The following FCMR variants were observed in gnomAD, a reference collection of about 807,000 sequenced individuals.
FCMR encodes the protein Fc mu receptor.
Under a neutral mutation model 41.6 loss-of-function variants are expected in FCMR, and 34 were observed. The ratio of observed to expected loss-of-function variants is 0.82; its 90% CI spans 0.62 to 1.09. The LOEUF (loss-of-function observed/expected upper bound fraction) is 1.09, where lower values mean the gene tolerates loss of function less well. Ranked by LOEUF, FCMR falls within the 50% of genes least tolerant of loss-of-function variation. The pLI, the probability that FCMR is intolerant of heterozygous loss-of-function variation, is 0.00. For synonymous variants in FCMR, 209 were observed against 211.8 expected (o/e 0.99, Z 0.12); for missense variants, 496 against 512.5 (o/e 0.97, Z 0.31).
chr1:206,914,357 T>TTCCTTCCTTC (rs1558003870), intron 1 of FCMR, among the ~76,000 whole-genome samples: 1 of 131,600 alleles, frequency 7.6e-6, no homozygotes, highest in Non-Finnish European at 1.6e-5. Context: ...TTCCTTCCTT[T>TTCCTTCCTTC]CTTTCTTTTT....
intron 7 of FCMR, 141 bp from the exon 8 acceptor site, chr1:206,905,288 C>T (rs1034471782): frequency 5.6e-6 from 5 of 887,928 alleles, no homozygotes; most frequent in East Asian, 2.6e-5. Flanking sequence ...GGCTCAGCTC[C>T]ATCAAGTGGA....
At chr1:206,917,761 A>G in intron 1 of FCMR, 1 of 449,654 alleles carries the variant, frequency 2.2e-6, no homozygotes, top group South Asian at 1.6e-5. Context: ...TGAATAGCTG[A>G]GATCACAGGC....
At chr1:206,910,433 T>C (rs535568490) in intron 4 of FCMR, 93 bp from the exon 5 acceptor site, 3 of 1,047,754 alleles carry the variant, frequency 2.9e-6, no homozygotes, top group Non-Finnish European at 3.9e-6. Context: ...TTTTTGGAGA[T>C]GACTTACAGG....
chr1:206,921,228 G>A (rs115190647), intron 1 of FCMR: 1,927 of 183,586 alleles, frequency 0.01, 46 homozygotes, highest in African/African-American at 0.041. Context: ...TAAGAAGAAA[G>A]AAGTACGGAG....
At chr1:206,911,672 G>T in intron 4 of FCMR, 58 bp downstream of exon 4, 1 of 1,517,296 alleles carries the variant, frequency 6.6e-7, no homozygotes. Context: ...ATTGCAGTGG[G>T]TTTCAGTGGA....
intron 1 of FCMR, chr1:206,921,378 A>C (rs1181621328): frequency 4.5e-6 from 2 of 447,162 alleles, no homozygotes; most frequent in Non-Finnish European, 9.0e-6. Context: ...AGCCAGGAGG[A>C]TCACTTAAGG....
chr1:206,912,201 C>T (rs2102558325), intron 3 of FCMR, among the ~76,000 whole-genome samples: 1 of 152,314 alleles, frequency 6.6e-6, no homozygotes, highest in South Asian at 2.1e-4. Flanking sequence ...AGCTTGCCCC[C>T]TCTGAGCAGG....
chr1:206,913,589 A>G, intron 2 of FCMR, 170 bp downstream of exon 2: 1 of 612,996 alleles, frequency 1.6e-6, no homozygotes, highest in Middle Eastern at 4.1e-4. Flanking sequence ...AATTGTGTGG[A>G]CCATGGAGGT....
chr1:206,909,415 C>A lies in FCMR; in HGVS notation c.1044+47G>T. The A allele has an allele frequency of 1.7e-6, 2 of 1,160,394 alleles. No homozygotes were observed. The highest frequency in any genetic ancestry group is 2.2e-6 in the Non-Finnish European group (2 of 920,756). The allele number at this position is 1,160,394 out of a possible 1,614,324, so 71.9% of individuals were successfully genotyped here. On this transcript the variant is annotated intron_variant, in intron 7 of 7. Coordinates refer to ENST00000367091, the MANE Select transcript of FCMR (RefSeq NM_005449.5). This position sits in a 1 kb window ranked among gnomAD's most constrained non-coding sequence, Gnocchi z 5.0. ...TCGGGTCCCCGCCCAGGGCTGGGGCCGCCCAGTCGGGCCGCGGCTGCCAAT... is the reference window on the plus strand; with the variant it reads ...TCGGGTCCCCGCCCAGGGCTGGGGCAGCCCAGTCGGGCCGCGGCTGCCAAT...
At chr1:206,914,660 T>C (rs1315366841) in intron 1 of FCMR, among the ~76,000 whole-genome samples, 3 of 152,036 alleles carry the variant, frequency 2.0e-5, no homozygotes, top group Non-Finnish European at 4.4e-5. Flanking sequence ...CTCGAACTCA[T>C]GGCCTCAAGT....
intron 5 of FCMR, 43 bp downstream of exon 5, chr1:206,910,167 C>T: frequency 1.8e-5 from 28 of 1,533,364 alleles, no homozygotes; most frequent in Non-Finnish European, 2.4e-5. Flanking sequence ...GCTGTGGGCT[C>T]TTTGGGCAGC....
At chr1:206,921,637 A>G (rs1679443566) in intron 1 of FCMR, among the ~76,000 whole-genome samples, 181 bp downstream of exon 1, 1 of 152,082 alleles carries the variant, frequency 6.6e-6, no homozygotes, top group African/African-American at 2.4e-5. Flanking sequence ...AAGGAGCATT[A>G]CCATGGAGTG....
At chr1:206,913,326 C>A (rs946038843) in intron 2 of FCMR, among the ~76,000 whole-genome samples, 9 of 152,084 alleles carry the variant, frequency 5.9e-5, no homozygotes, top group African/African-American at 1.7e-4. Flanking sequence ...AGGAGAAAGG[C>A]GGGGTTCCAG....
At chr1:206,918,881 C>T (rs1271123770) in intron 1 of FCMR, among the ~76,000 whole-genome samples, 1 of 152,078 alleles carries the variant, frequency 6.6e-6, no homozygotes, top group Non-Finnish European at 1.5e-5. Context: ...AGACCCACTC[C>T]AGCATTTGCA....
chr1:206,922,278 C>T (rs291084), upstream of FCMR, among the ~76,000 whole-genome samples: 2 of 151,944 alleles, frequency 1.3e-5, no homozygotes, highest in Admixed American at 1.3e-4. Flanking sequence ...GATAAAAGAG[C>T]CTTATCACCA....
chr1:206,922,148 T>C (rs1321860972), upstream of FCMR: 2 of 484,986 alleles, frequency 4.1e-6, no homozygotes, highest in Non-Finnish European at 7.4e-6. Flanking sequence ...TCCAGACTAT[T>C]AGCAGTGACC....
At chr1:206,914,392 C>T (rs1679096219) in intron 1 of FCMR, among the ~76,000 whole-genome samples, 1 of 144,728 alleles carries the variant, frequency 6.9e-6, no homozygotes. Context: ...CTTCCTCTCT[C>T]TTTTCTCTTT....
Position 206,914,213 on chromosome 1 carries a change from AT to A in FCMR, c.38-120del, listed in dbSNP as rs1239143654. ...AGCCCAGGCCCCAGCCCAACCTCAC[AT>A]TCATCCCCAGATCCAGCCCTGTCCC... On this transcript the variant is annotated intron_variant, in intron 1 of 7. Coordinates refer to ENST00000367091, the MANE Select transcript of FCMR (RefSeq NM_005449.5). 2.6e-5 allele frequency: 18 copies of A among 705,812 alleles called. No individual in the cohort carries two copies. The Admixed American group carries it at 3.8e-4, about 15-fold the overall frequency. 43.7% of individuals were successfully genotyped at this position (705,812 alleles called of 1,614,324 possible).
chr1:206,915,793 G>A (rs1460142355), intron 1 of FCMR, among the ~76,000 whole-genome samples: 3 of 152,140 alleles, frequency 2.0e-5, no homozygotes, highest in Admixed American at 2.0e-4. Context: ...CATGGGCGGA[G>A]AGACATTTGC....
Sources: allele counts gnomAD v4.1 joint callset (sites outside exome capture counted in the v4.1 genomes callset), GRCh38; gene constraint gnomAD v4.1.1; non-coding constraint Gnocchi (gnomAD v3.1); transcripts MANE v1.5; gene names NCBI Gene and HGNC (gene_info 2026-07-23, HGNC 2026-07-21).